SOCS2: variants seen among roughly 807,000 people sequenced by gnomAD.
SOCS2 encodes the protein suppressor of cytokine signaling 2, also known as CIS-2.
Under a neutral mutation model 18.6 loss-of-function variants are expected in SOCS2, and 10 were observed. The observed-to-expected ratio is 0.54, with a 90% CI of 0.33 to 0.91. The LOEUF (loss-of-function observed/expected upper bound fraction) is 0.91, where lower values mean the gene tolerates loss of function less well. Among genes scored for constraint, SOCS2 ranks in the 40% least tolerant of loss-of-function variants. The pLI is 0.02. For missense variants in SOCS2, 231 were observed against 247.2 expected (o/e 0.93, Z 0.44); for synonymous variants, 104 against 104.0 (o/e 1.00, Z 0.00).
the SOCS2 span, among the ~76,000 whole-genome samples, chr12:93,614,475 CTTCCT>C: frequency 1.4e-4 from 11 of 77,658 alleles, no homozygotes; most frequent in South Asian, 1.3e-3. Context: ...TCCTTCCTTC[CTTCCT>C]TTCCTTCCTT....
the SOCS2 span, among the ~76,000 whole-genome samples, chr12:93,624,248 C>A: frequency 6.6e-6 from 1 of 152,198 alleles, no homozygotes; most frequent in Non-Finnish European, 1.5e-5. Flanking sequence ...AGCGCTTTGA[C>A]TTTGGACTTC....
At chr12:93,595,710 T>G in the SOCS2 span, among the ~76,000 whole-genome samples, 1 of 152,242 alleles carries the variant, frequency 6.6e-6, no homozygotes, top group Admixed American at 6.5e-5. Context: ...CTTCAAGTTA[T>G]ATAGCTATTT....
At chr12:93,614,268 G>A in the SOCS2 span, among the ~76,000 whole-genome samples, 1 of 152,106 alleles carries the variant, frequency 6.6e-6, no homozygotes, top group Non-Finnish European at 1.5e-5. Context: ...CCAAACACAC[G>A]ATGCTCTGAG....
At chr12:93,612,226 C>CA in the SOCS2 span, among the ~76,000 whole-genome samples, 1 of 152,206 alleles carries the variant, frequency 6.6e-6, no homozygotes. Context: ...CACTTCCTCC[C>CA]AACCCACTGC....
the SOCS2 span, among the ~76,000 whole-genome samples, chr12:93,614,553 T>TTCTTTCTTTCTTTCTC: frequency 3.0e-5 from 1 of 33,512 alleles, no homozygotes; most frequent in African/African-American, 1.9e-4. Flanking sequence ...CTTTCTTTCT[T>TTCTTTCTTTCTTTCTC]TCTTTCTTTC....
intron 1 of SOCS2, 111 bp downstream of exon 1, chr12:93,573,147 T>G (rs1214376880): frequency 1.5e-6 from 2 of 1,373,926 alleles, no homozygotes; most frequent in East Asian, 5.0e-5. Context: ...ATACGTCCCT[T>G]GCTTCCAAGG....
At chr12:93,589,001 T>G in the SOCS2 span, among the ~76,000 whole-genome samples, 1 of 152,218 alleles carries the variant, frequency 6.6e-6, no homozygotes, top group Non-Finnish European at 1.5e-5. Context: ...CTCCAGCAGT[T>G]TTCTGGCTGG....
Position 93,574,764 on chromosome 12 carries a change from A to C in SOCS2, c.182A>C (p.Lys61Thr). Residue 61 changes from lysine to threonine, a missense_variant, in exon 2 of 2, where the codon AAA (lysine) becomes ACA (threonine). By Grantham distance (78) the Lys-to-Thr change is moderately conservative. Transcript: ENST00000551556. ...GSMTVNEAKE[K>T]LKEAPEGTFL... The stretch of plus-strand genomic sequence containing the variant: ...ATGACTGTTAATGAAGCCAAAGAGA[A>C]ATTAAAAGAGGCACCAGAAGGAACT... The C allele has an allele frequency of 6.2e-7, 1 of 1,614,018 alleles. No homozygotes were observed. Among genetic ancestry groups the C allele is most frequent in the Middle Eastern group, 1.6e-4 (1 of 6,062 alleles).
chr12:93,573,165 G>A (rs1400196082), intron 1 of SOCS2, 129 bp downstream of exon 1: 5 of 1,235,884 alleles, frequency 4.0e-6, no homozygotes, highest in Non-Finnish European at 5.6e-6. Context: ...AGGGACCGCG[G>A]AGAGCACGCT....
At chr12:93,618,501 C>T in the SOCS2 span, among the ~76,000 whole-genome samples, 1 of 152,168 alleles carries the variant, frequency 6.6e-6, no homozygotes, top group African/African-American at 2.4e-5. Flanking sequence ...GCCTCTCTGA[C>T]CAGCTGCCCA....
chr12:93,611,345 C>T, the SOCS2 span, among the ~76,000 whole-genome samples: 2 of 152,176 alleles, frequency 1.3e-5, no homozygotes, highest in Non-Finnish European at 2.9e-5. Flanking sequence ...TCAAGCGATT[C>T]TCCTGCCTTA....
chr12:93,621,105 G>A, the SOCS2 span, among the ~76,000 whole-genome samples: 9 of 152,098 alleles, frequency 5.9e-5, no homozygotes, highest in South Asian at 2.1e-4. Context: ...GAGCATATAC[G>A]TCCTCGTGAC....
chr12:93,617,334 G>A, the SOCS2 span, among the ~76,000 whole-genome samples: 5 of 152,148 alleles, frequency 3.3e-5, no homozygotes, highest in Admixed American at 1.3e-4. Flanking sequence ...AACTAAACTA[G>A]GGTGTGGGAG....
downstream of SOCS2, among the ~76,000 whole-genome samples, chr12:93,578,525 G>A (rs903562363): frequency 1.3e-5 from 2 of 152,120 alleles, no homozygotes; most frequent in East Asian, 1.9e-4. Context: ...CAATGTTCTT[G>A]TAGGCCTTTC....
rs1404797275 is a variant in SOCS2, at chr12:93,576,201, C to G, written c.*1022C>G. The G allele has an allele frequency of 2.6e-5, 4 of 152,652 alleles. No homozygotes were observed. The highest frequency in any genetic ancestry group is 9.7e-5 in the African/African-American group (4 of 41,450). 9.5% of individuals were successfully genotyped at this position (152,652 alleles called of 1,614,324 possible). A position where few individuals can be genotyped will look rare whatever the true frequency, so the allele number is the denominator to read the frequency against. ...GTATTAAATAAAAAAAACCTGATTT[C>G]TACAAGTTGCACTTATTGAGTTCTA... On this transcript the variant is annotated 3_prime_UTR_variant, in exon 2 of 2. Coordinates refer to ENST00000551556, the MANE Select transcript of SOCS2 (RefSeq NM_001270471.2).
intron 1 of SOCS2, among the ~76,000 whole-genome samples, chr12:93,582,552 C>A (rs1395607768): frequency 6.6e-6 from 1 of 152,122 alleles, no homozygotes; most frequent in Non-Finnish European, 1.5e-5. Context: ...GCTGCAGGCT[C>A]AGATTTGCCC....
chr12:93,572,709 C>A lies in SOCS2; in HGVS notation c.-189C>A. The stretch of plus-strand genomic sequence containing the variant: ...GGCGATCAGTGGGTGACCGCGGCTG[C>A]GAGGGACTTTGTCATCCGTCCTCCA... On this transcript the variant is annotated 5_prime_UTR_variant, in exon 1 of 2. Coordinates refer to ENST00000551556, the MANE Select transcript of SOCS2 (RefSeq NM_001270471.2). This position sits in a 1 kb window ranked among gnomAD's most constrained non-coding sequence, Gnocchi z 5.0. 2 of 810,274 alleles carry A rather than the reference C, an allele frequency of 2.5e-6. No homozygotes were observed. Among genetic ancestry groups the A allele is most frequent in the Non-Finnish European group, 4.1e-6 (2 of 484,190 alleles). 50.2% of individuals were successfully genotyped at this position (810,274 alleles called of 1,614,324 possible).
At chr12:93,589,138 T>TA in the SOCS2 span, among the ~76,000 whole-genome samples, 13 of 152,242 alleles carry the variant, frequency 8.5e-5, no homozygotes, top group Non-Finnish European at 1.8e-4. Context: ...CTGCCAGTCC[T>TA]ACACCTTTCT....
the SOCS2 span, among the ~76,000 whole-genome samples, chr12:93,589,417 TA>T: frequency 6.6e-6 from 1 of 152,164 alleles, no homozygotes; most frequent in South Asian, 2.1e-4. Context: ...AATGTGCAAA[TA>T]AAAAAATCCA....
Sources: allele counts gnomAD v4.1 joint callset (sites outside exome capture counted in the v4.1 genomes callset), GRCh38; gene constraint gnomAD v4.1.1; non-coding constraint Gnocchi (gnomAD v3.1); transcripts MANE v1.5; gene names NCBI Gene and HGNC (gene_info 2026-07-23, HGNC 2026-07-21).